GRAMD2B: variants seen among roughly 807,000 people sequenced by gnomAD.
GRAMD2B encodes GRAM domain-containing protein 2B.
A neutral mutation model predicts 59.2 loss-of-function variants in GRAMD2B; 41 were observed. The observed-to-expected ratio is 0.69, with a 90% CI of 0.54 to 0.90. The LOEUF (loss-of-function observed/expected upper bound fraction) is 0.90, where lower values mean the gene tolerates loss of function less well. GRAMD2B is among the 40% of genes least tolerant of loss of function. The pLI, the probability that GRAMD2B is intolerant of heterozygous loss-of-function variation, is 0.00. For synonymous variants in GRAMD2B, 161 were observed against 182.7 expected, an observed-to-expected ratio of 0.88 and a Z score of 0.96; for missense variants, 424 against 500.5, an observed-to-expected ratio of 0.85 and a Z score of 1.46.
intron 1 of GRAMD2B, among the ~76,000 whole-genome samples, chr5:126,372,667 A>G (rs1754863371): frequency 6.6e-6 from 1 of 152,172 alleles, no homozygotes; most frequent in Admixed American, 6.5e-5. Context: ...AAATGAATCT[A>G]TCTTACTTGT....
chr5:126,364,315 A>G (rs1192803399), intron 1 of GRAMD2B, among the ~76,000 whole-genome samples: 1 of 152,216 alleles, frequency 6.6e-6, no homozygotes, highest in East Asian at 1.9e-4. Flanking sequence ...TCTAATTGCA[A>G]ACTATGGGGA....
chr5:126,425,592 C>T (rs2149786935), intron 1 of GRAMD2B, among the ~76,000 whole-genome samples: 1 of 152,138 alleles, frequency 6.6e-6, no homozygotes, highest in African/African-American at 2.4e-5. Flanking sequence ...CAAAGTGAGA[C>T]CCTGTCTCTA....
At chr5:126,428,487 C>A (rs1208314672) in intron 1 of GRAMD2B, among the ~76,000 whole-genome samples, 3 of 151,918 alleles carry the variant, frequency 2.0e-5, no homozygotes, top group Non-Finnish European at 4.4e-5. Context: ...TATAGTGAAC[C>A]AAATCAGCTC....
intron 1 of GRAMD2B, among the ~76,000 whole-genome samples, chr5:126,432,679 G>T (rs1435620452): frequency 6.6e-6 from 1 of 152,200 alleles, no homozygotes; most frequent in African/African-American, 2.4e-5. Context: ...TACATTTATT[G>T]TTAAGAATAT....
chr5:126,469,579 G>A, intron 2 of GRAMD2B, 98 bp from the exon 3 acceptor site: 1 of 787,478 alleles, frequency 1.3e-6, no homozygotes, highest in Non-Finnish European at 2.2e-6. Flanking sequence ...AGGTTGCAGT[G>A]AACCGTGATC....
chr5:126,464,488 C>T (rs906250707), intron 1 of GRAMD2B, among the ~76,000 whole-genome samples: 6 of 152,284 alleles, frequency 3.9e-5, no homozygotes, highest in Non-Finnish European at 5.9e-5. Context: ...AGATCTTCAC[C>T]GGCCGACTGA....
At chr5:126,365,526 A>G (rs533049686) in intron 1 of GRAMD2B, among the ~76,000 whole-genome samples, 2 of 152,348 alleles carry the variant, frequency 1.3e-5, no homozygotes, top group Admixed American at 1.3e-4. Context: ...CAAACACCCA[A>G]ATGTGAATGT....
At position 126,453,537 on chromosome 5, in the gene GRAMD2B, G is replaced by A. The variant is rs75499186; in HGVS notation, c.84-11889G>A. On this transcript the variant is annotated intron_variant, in intron 1 of 13. Coordinates refer to ENST00000285689, the MANE Select transcript of GRAMD2B (RefSeq NM_023927.4). Reference sequence around the variant, plus strand: ...AATAACAAAGGAGAATTCACTATCAGCAGCATCAATCTTCCTTGGCTGGAA... The same window carrying A: ...AATAACAAAGGAGAATTCACTATCAACAGCATCAATCTTCCTTGGCTGGAA... 3.4e-3 allele frequency among the ~76,000 whole-genome samples: 511 copies of A among 152,270 alleles called. 1 individual carries two copies. The highest frequency in any genetic ancestry group is 4.5e-3 in the Non-Finnish European group (307 of 68,024).
chr5:126,403,202 C>A (rs1382198411), intron 1 of GRAMD2B, among the ~76,000 whole-genome samples: 1 of 151,744 alleles, frequency 6.6e-6, no homozygotes. Flanking sequence ...ATAAGAAGTA[C>A]CTTCTCCACA....
chr5:126,448,388 G>A (rs761207228), intron 1 of GRAMD2B, among the ~76,000 whole-genome samples: 2 of 151,794 alleles, frequency 1.3e-5, no homozygotes, highest in African/African-American at 2.4e-5. Context: ...GTGCTTGGGG[G>A]CAGCATGACA....
At chr5:126,421,424 T>C (rs572397848), upstream of GRAMD2B, among the ~76,000 whole-genome samples, 4 of 152,230 alleles carry the variant, frequency 2.6e-5, no homozygotes, top group African/African-American at 9.6e-5. Context: ...GGTGGGGATC[T>C]AGAGGTGAAG....
chr5:126,371,552 G>C (rs1271875358), exon 1 of GRAMD2B: 1 of 1,288,742 alleles, frequency 7.8e-7, no homozygotes, highest in East Asian at 5.6e-5. Context: ...GACAGCCCCA[G>C]CTCGGTGTTC....
chr5:126,426,397 T>G (rs753430595), intron 1 of GRAMD2B, among the ~76,000 whole-genome samples: 3 of 152,204 alleles, frequency 2.0e-5, no homozygotes, highest in Non-Finnish European at 4.4e-5. Context: ...TCTTTACCAG[T>G]GCTCACCTTG....
At chr5:126,371,120 G>T (rs1029467784), upstream of GRAMD2B, among the ~76,000 whole-genome samples, 2 of 152,188 alleles carry the variant, frequency 1.3e-5, no homozygotes, top group East Asian at 1.9e-4. Context: ...TTTTGTTTAG[G>T]TGTTTACTTT....
intron 1 of GRAMD2B, among the ~76,000 whole-genome samples, chr5:126,391,319 C>CATAAAAAAAAAAAAA (rs1756736032): frequency 1.3e-5 from 1 of 76,350 alleles, no homozygotes; most frequent in African/African-American, 4.8e-5. Flanking sequence ...GACTCCATCT[C>CATAAAAAAAAAAAAA]AAAAAAAAAA....
chr5:126,453,099 C>T (rs1765655799), intron 1 of GRAMD2B, among the ~76,000 whole-genome samples: 1 of 152,142 alleles, frequency 6.6e-6, no homozygotes, highest in African/African-American at 2.4e-5. Context: ...AGATATGAGG[C>T]CAAGGTGGGC....
intron 1 of GRAMD2B, among the ~76,000 whole-genome samples, chr5:126,396,372 T>C (rs1344511648): frequency 6.6e-6 from 1 of 152,170 alleles, no homozygotes. Flanking sequence ...GTTTCCCCTC[T>C]ATGTGTCCAT....
At chr5:126,420,902 C>CA (rs76061223), upstream of GRAMD2B, among the ~76,000 whole-genome samples, 43 of 147,914 alleles carry the variant, frequency 2.9e-4, no homozygotes, top group East Asian at 5.7e-3. Flanking sequence ...ATCATCCAGC[C>CA]AAAAAAAAAT....
chr5:126,466,201 T>C (rs1768352788), intron 2 of GRAMD2B: 3 of 1,528,220 alleles, frequency 2.0e-6, no homozygotes, highest in South Asian at 1.2e-5. Context: ...CCTTCACCAT[T>C]ATTAGAACTT....
Sources: gnomAD v4.1 joint callset for allele counts (sites outside exome capture counted in the v4.1 genomes callset) on GRCh38, gnomAD v4.1.1 for gene constraint, MANE v1.5 for transcripts, NCBI Gene and HGNC (gene_info 2026-07-23, HGNC 2026-07-21) for gene names.